The following CUX1 variants were observed in gnomAD, a reference collection of about 807,000 sequenced individuals.
CUX1 encodes the protein protein CASP.
In CUX1, 31 loss-of-function variants were observed where a neutral mutation model predicts 158.8. That is an observed-to-expected ratio of 0.20 (90% CI 0.15 to 0.26). The LOEUF is 0.26. Among genes scored for constraint, CUX1 ranks in the 10% least tolerant of loss-of-function variants. The pLI, the probability that CUX1 is intolerant of heterozygous loss-of-function variation, is 1.00. For synonymous variants in CUX1, 879 were observed against 862.1 expected, an observed-to-expected ratio of 1.02 and a Z score of -0.34; for missense variants, 1,589 against 2,014.6, an observed-to-expected ratio of 0.79 and a Z score of 4.04.
intron 1 of CUX1, among the ~76,000 whole-genome samples, chr7:101,894,219 G>A (rs10264855): frequency 0.21 from 31,851 of 152,208 alleles, 5,070 homozygotes; most frequent in East Asian, 0.84. Context: ...ACAAGGATGG[G>A]ACTATTATAA....
chr7:102,101,820 G>A (rs1208303628), intron 5 of CUX1, among the ~76,000 whole-genome samples: 1 of 151,950 alleles, frequency 6.6e-6, no homozygotes, highest in African/African-American at 2.4e-5. Context: ...ACTGAGGCAC[G>A]AGAATTGTGT....
At chr7:102,189,735 C>A in intron 11 of CUX1, 78 bp from the exon 12 acceptor site, 2 of 1,487,458 alleles carry the variant, frequency 1.3e-6, no homozygotes, top group Non-Finnish European at 1.9e-6. Context: ...GCTGGCTGTT[C>A]CGCAGTGAAT....
chr7:102,246,929 G>C (rs985835898), intron 23 of CUX1, among the ~76,000 whole-genome samples: 12 of 152,170 alleles, frequency 7.9e-5, no homozygotes, highest in Non-Finnish European at 1.8e-4. Context: ...CACTTTGGGA[G>C]GCCAAGGCAG....
chr7:101,986,659 G>T (rs550831458), intron 2 of CUX1, among the ~76,000 whole-genome samples: 20 of 152,316 alleles, frequency 1.3e-4, no homozygotes, highest in African/African-American at 4.8e-4. Context: ...CCCTCCCTCG[G>T]CTTGTCTTCC....
At chr7:102,093,877 C>T (rs1402734652) in intron 4 of CUX1, among the ~76,000 whole-genome samples, 3 of 152,112 alleles carry the variant, frequency 2.0e-5, no homozygotes, top group African/African-American at 4.8e-5. Context: ...CAGGGGTTAC[C>T]GGATTTTGTG....
At chr7:101,860,739 TCC>T in intron 1 of CUX1, among the ~76,000 whole-genome samples, 1 of 77,112 alleles carries the variant, frequency 1.3e-5, no homozygotes, top group Non-Finnish European at 3.0e-5. Context: ...CTTCCTCCCT[TCC>T]TTCCTTCCTT....
intron 23 of CUX1, among the ~76,000 whole-genome samples, chr7:102,240,325 G>A (rs1800057994): frequency 1.3e-5 from 2 of 152,166 alleles, no homozygotes; most frequent in South Asian, 2.1e-4. Context: ...CTAAAGTGCA[G>A]TGGTGCAATC....
intron 1 of CUX1, among the ~76,000 whole-genome samples, chr7:101,898,174 A>G (rs1801725503): frequency 1.3e-5 from 2 of 152,146 alleles, no homozygotes; most frequent in South Asian, 4.1e-4. Context: ...GGCAAGCAGA[A>G]TGATTGAAAA....
intron 3 of CUX1, among the ~76,000 whole-genome samples, chr7:102,031,184 A>C (rs1820747335): frequency 6.6e-6 from 1 of 151,946 alleles, no homozygotes; most frequent in African/African-American, 2.4e-5. Context: ...TCAGCCTCCC[A>C]AGTAGCTGGG....
At position 102,249,768 on chromosome 7, in the gene CUX1, C is replaced by G. The variant is rs1801292409; in HGVS notation, c.*726C>G. 1 of 985,664 alleles carries G rather than the reference C, an allele frequency of 1.0e-6. No homozygotes were observed. Among genetic ancestry groups the G allele is most frequent in the African/African-American group, 1.7e-5 (1 of 57,240 alleles). 61.1% of individuals were successfully genotyped at this position (985,664 alleles called of 1,614,324 possible). ...AAGAGATTGCACAGTCAAAACGACT[C>G]TAAACACACTAGTTTGGATTCCTAA... On this transcript the variant is annotated 3_prime_UTR_variant, in exon 24 of 24. Transcript: ENST00000292535.
intron 7 of CUX1, among the ~76,000 whole-genome samples, chr7:102,114,651 G>A (rs899848290): frequency 5.3e-5 from 8 of 152,196 alleles, no homozygotes; most frequent in African/African-American, 1.4e-4. Flanking sequence ...GCCAAGGTGG[G>A]AGGATGACTT....
intron 2 of CUX1, among the ~76,000 whole-genome samples, chr7:101,995,181 G>A (rs1217754708): frequency 6.6e-6 from 1 of 152,062 alleles, no homozygotes; most frequent in Non-Finnish European, 1.5e-5. Flanking sequence ...ACGGGCTCTT[G>A]GGCACACCCC....
chr7:102,248,838 G>A lies in CUX1; in HGVS notation c.4314G>A (p.Ala1438=). The A allele has an allele frequency of 8.2e-7, 1 of 1,219,092 alleles. No homozygotes were observed. The highest frequency in any genetic ancestry group is 2.4e-5 in the South Asian group (1 of 42,030). 75.5% of individuals were successfully genotyped at this position (1,219,092 alleles called of 1,614,324 possible). ...AGGGCCCCGCGGCCCCGAGCTCCGC[G>A]CCGCCGCCCAGCAACAGCAGCAGCA... The part of the protein sequence containing the change: ...PGEGPAAPSS[A]PPPSNSSSSS... The change falls in exon 24 of 24, where the codon GCG becomes GCA. Residue 1438 remains alanine, a synonymous_variant. Transcript: ENST00000292535. This position sits in a 1 kb window ranked among gnomAD's most constrained non-coding sequence, Gnocchi z 5.8.
chr7:102,228,712 C>T (rs1166904688), intron 21 of CUX1, among the ~76,000 whole-genome samples: 4 of 152,278 alleles, frequency 2.6e-5, no homozygotes, highest in Admixed American at 1.3e-4. Context: ...GCAGGAGAAT[C>T]GTTTGAACCC....
chr7:102,167,607 A>C (rs1791192881), intron 9 of CUX1, among the ~76,000 whole-genome samples: 4 of 152,236 alleles, frequency 2.6e-5, no homozygotes. Flanking sequence ...ATATCTCCAA[A>C]TACATCTTAT....
intron 2 of CUX1, among the ~76,000 whole-genome samples, chr7:101,998,489 C>G (rs1300306892): frequency 1.3e-5 from 2 of 152,200 alleles, no homozygotes; most frequent in African/African-American, 4.8e-5. Context: ...GTGCCCCCAG[C>G]CATCGCTTCT....
At chr7:102,121,073 A>C (rs1439684261) in intron 8 of CUX1, among the ~76,000 whole-genome samples, 2 of 152,112 alleles carry the variant, frequency 1.3e-5, no homozygotes, top group Non-Finnish European at 2.9e-5. Flanking sequence ...TAAAAATAAT[A>C]ATAATAATTT....
chr7:102,278,657 A>AATAAAATAAAATAAAAAATAAAATAT (rs781848717), intron 18 of CUX1, among the ~76,000 whole-genome samples: 2 of 99,106 alleles, frequency 2.0e-5, no homozygotes, highest in Non-Finnish European at 4.8e-5. Flanking sequence ...AATAAAATAA[A>AATAAAATAAAATAAAAAATAAAATAT]AAAATAAAAT....
At chr7:102,184,414 G>A (rs782663307) in intron 11 of CUX1, among the ~76,000 whole-genome samples, 3 of 152,144 alleles carry the variant, frequency 2.0e-5, no homozygotes, top group African/African-American at 4.8e-5. Context: ...TACAACAGGC[G>A]TGTTTGATTG....
Sources: allele counts gnomAD v4.1 joint callset (sites outside exome capture counted in the v4.1 genomes callset), GRCh38; gene constraint gnomAD v4.1.1; non-coding constraint Gnocchi (gnomAD v3.1); transcripts MANE v1.5; gene names NCBI Gene and HGNC (gene_info 2026-07-23, HGNC 2026-07-21).